Variants in SIDT2 observed in about 807,000 individuals in gnomAD.
SIDT2 encodes SID1 transmembrane family member 2.
In SIDT2, 68 loss-of-function variants were observed where a neutral mutation model predicts 114.4. The ratio of observed to expected loss-of-function variants is 0.59; its 90% CI spans 0.49 to 0.73. The LOEUF (loss-of-function observed/expected upper bound fraction) is 0.73. SIDT2 is among the 30% of genes least tolerant of loss of function. SIDT2 has a pLI of 0.00. For synonymous variants in SIDT2, 470 were observed against 438.4 expected (o/e 1.07, Z -0.90); for missense variants, 918 against 1,097.1 (o/e 0.84, Z 2.31).
chr11:117,196,362 C>T lies in SIDT2; in HGVS notation c.*296C>T, dbSNP rs907812172. ...CCATGGGCCCCTGTCCTTTGGCTCT[C>T]CATTTGTCCCTTTGCAAGAGGAAGG... On this transcript the variant is annotated 3_prime_UTR_variant, in exon 26 of 26. Coordinates refer to ENST00000324225, the MANE Select transcript of SIDT2 (RefSeq NM_001040455.2). The surrounding 1 kb of genome is among the most constrained non-coding windows in gnomAD (Gnocchi z 4.9). 7 of 438,086 alleles carry T rather than the reference C, an allele frequency of 1.6e-5. No homozygotes were observed. Among genetic ancestry groups the T allele is most frequent in the African/African-American group, 1.4e-4 (7 of 50,794 alleles). 27.1% of individuals were successfully genotyped at this position (438,086 alleles called of 1,614,324 possible). A position where few individuals can be genotyped will look rare whatever the true frequency, so the allele number is the denominator to read the frequency against.
In SIDT2 at chr11:117,192,916, C is replaced by G. The variant is rs554502949; in HGVS notation, c.2105+50C>G. 2.5e-6 allele frequency: 4 copies of G among 1,609,792 alleles called. No homozygotes were observed. The highest frequency in any genetic ancestry group is 3.4e-6 in the Non-Finnish European group (4 of 1,176,210). On this transcript the variant is annotated intron_variant, in intron 22 of 25. Coordinates refer to ENST00000324225, the MANE Select transcript of SIDT2 (RefSeq NM_001040455.2). The surrounding 1 kb of genome is among the most constrained non-coding windows in gnomAD (Gnocchi z 5.9). ...CTGGTTGGGTGGACAGCTGGGGACT[C>G]GGTCAGCCACTGGCTGCCTTGGGGG...
chr11:117,193,391 G>C (rs1411873721), intron 23 of SIDT2, 133 bp downstream of exon 23: 2 of 819,254 alleles, frequency 2.4e-6, no homozygotes, highest in Admixed American at 2.3e-5. Context: ...AGAGGCTAAA[G>C]CCTCTTGCAT....
At position 117,179,450 on chromosome 11, in the gene SIDT2, A is replaced by G; in HGVS notation, c.183+4A>G. On this transcript the variant is annotated splice_donor_region_variant and intron_variant, in intron 1 of 25. Transcript: ENST00000324225. ...CCATACTGTGACCCGCAACAGGGTGAGGGCTGGGGGCTTAGGGGCCAGAGG... is the reference window on the plus strand; with the variant it reads ...CCATACTGTGACCCGCAACAGGGTGGGGGCTGGGGGCTTAGGGGCCAGAGG... The G allele has an allele frequency of 6.2e-7, 1 of 1,611,226 alleles. No homozygotes were observed. Among genetic ancestry groups the G allele is most frequent in the Non-Finnish European group, 8.5e-7 (1 of 1,178,076 alleles).
At chr11:117,181,783 C>T in intron 2 of SIDT2, 24 bp from the exon 3 acceptor site, 1 of 1,613,992 alleles carries the variant, frequency 6.2e-7, no homozygotes, top group Non-Finnish European at 8.5e-7. Context: ...TGCTCACATC[C>T]TATCTCCCTG....
Position 117,179,089 on chromosome 11 carries a change from G to A in SIDT2, c.-175G>A, listed in dbSNP as rs2030143579. On this transcript the variant is annotated 5_prime_UTR_variant, in exon 1 of 26. Transcript: ENST00000324225. ...CCCCTCCCCTGCGGGGACCCTGGGA[G>A]CCTCTTCGGGGCTCTTGGGAGGGGA... 1 of 666,610 alleles carries A rather than the reference G, an allele frequency of 1.5e-6. No individual in the cohort carries two copies. Among genetic ancestry groups the A allele is most frequent in the Non-Finnish European group, 2.5e-6 (1 of 400,676 alleles). 41.3% of individuals were successfully genotyped at this position (666,610 alleles called of 1,614,324 possible).
rs1565287968 is a variant in SIDT2 at position 117,190,602 on chromosome 11, C to T, written c.1618-21C>T. 8 of 1,549,008 alleles carry T rather than the reference C, an allele frequency of 5.2e-6. No individual in the cohort carries two copies. The highest frequency in any genetic ancestry group is 6.1e-6 in the Non-Finnish European group (7 of 1,140,084). On this transcript the variant is annotated intron_variant, in intron 17 of 25. Coordinates refer to ENST00000324225, the MANE Select transcript of SIDT2 (RefSeq NM_001040455.2). This position sits in a 1 kb window ranked among gnomAD's most constrained non-coding sequence, Gnocchi z 4.1. ...CCTGCCTCACTTCCTCCCTCCCTTC[C>T]CTTCTCTCTCTCCCCAACAGGAATG... is the stretch of plus-strand genomic sequence containing the variant.
chr11:117,189,085 A>T, intron 13 of SIDT2, 84 bp from the exon 14 acceptor site: 1 of 1,389,614 alleles, frequency 7.2e-7, no homozygotes. Context: ...TGTGTGAGGG[A>T]GGCCCCTCTT....
rs1344474201 is a variant in SIDT2, at chr11:117,192,940, G to T, written c.2105+74G>T. Reference sequence around the variant, plus strand: ...TCGGTCAGCCACTGGCTGCCTTGGGGGCTAAGGACAACTTCCAAATGTTGG... The same window carrying T: ...TCGGTCAGCCACTGGCTGCCTTGGGTGCTAAGGACAACTTCCAAATGTTGG... On this transcript the variant is annotated intron_variant, in intron 22 of 25. Transcript: ENST00000324225. This position sits in a 1 kb window ranked among gnomAD's most constrained non-coding sequence, Gnocchi z 5.9. 1.9e-6 allele frequency: 3 copies of T among 1,584,426 alleles called. No homozygotes were observed. The highest frequency in any genetic ancestry group is 3.3e-5 in the Admixed American group (2 of 59,990).
chr11:117,182,656 C>T, intron 5 of SIDT2, 36 bp downstream of exon 5: 1 of 1,614,106 alleles, frequency 6.2e-7, no homozygotes, highest in South Asian at 1.1e-5. Context: ...CCCCAGCAGG[C>T]AGCAGGGCTG....
intron 24 of SIDT2, among the ~76,000 whole-genome samples, chr11:117,195,131 A>G (rs566823861): frequency 6.8e-6 from 1 of 146,876 alleles, no homozygotes; most frequent in Admixed American, 7.0e-5. Context: ...GGTAATGGAG[A>G]AGAGCCCCAT....
Position 117,186,437 on chromosome 11 carries a change from C to T in SIDT2, c.963-147C>T, listed in dbSNP as rs1265183627. ...AAGCAGGGAGATCCCATGTTGCTCC[C>T]CAGCCTGTGAGGAACCCTGGGACAA... On this transcript the variant is annotated intron_variant, in intron 9 of 25. Transcript: ENST00000324225. The T allele has an allele frequency of 6.3e-6, 6 of 958,324 alleles. No individual in the cohort carries two copies. The Admixed American group carries it at 9.4e-5, about 15-fold the overall frequency. The allele number at this position is 958,324 out of a possible 1,614,324, so 59.4% of individuals were successfully genotyped here.
intron 23 of SIDT2, 139 bp from the exon 24 acceptor site, chr11:117,193,714 C>T (rs1343325610): frequency 1.3e-5 from 8 of 625,288 alleles, no homozygotes; most frequent in Non-Finnish European, 2.3e-5. Flanking sequence ...TGTGGTTGTG[C>T]GGAATGGTAT....
Position 117,192,979 on chromosome 11 carries a change from G to A in SIDT2, c.2105+113G>A. The A allele has an allele frequency of 6.9e-7, 1 of 1,441,780 alleles. No homozygotes were observed. Among genetic ancestry groups the A allele is most frequent in the Non-Finnish European group, 9.8e-7 (1 of 1,023,640 alleles). 89.3% of individuals were successfully genotyped at this position (1,441,780 alleles called of 1,614,324 possible). On this transcript the variant is annotated intron_variant, in intron 22 of 25. Coordinates refer to ENST00000324225, the MANE Select transcript of SIDT2 (RefSeq NM_001040455.2). The surrounding 1 kb of genome is among the most constrained non-coding windows in gnomAD (Gnocchi z 5.9). ...TCCAAATGTTGGGCATAAGACATGG[G>A]GGCTAAGAGAGATCTTGGCCTCTCT...
Position 117,179,253 on chromosome 11 carries a change from C to G in SIDT2, c.-11C>G. On this transcript the variant is annotated 5_prime_UTR_variant, in exon 1 of 26. Coordinates refer to ENST00000324225, the MANE Select transcript of SIDT2 (RefSeq NM_001040455.2). ...CGCCACCACCGCTGCCACTGCCGCC[C>G]TGCCGGGGCCATGTTCGCTCTGGGC... 1.2e-6 allele frequency: 2 copies of G among 1,605,396 alleles called. No homozygotes were observed. Among genetic ancestry groups the G allele is most frequent in the Non-Finnish European group, 1.7e-6 (2 of 1,175,764 alleles).
rs1416878658 is a variant in SIDT2, at chr11:117,192,654, C to A, written c.2058+4C>A. ...GTGCAGCGGGCCGCTCTACGTGGTA[C>A]CTGCCTGGTTCCCCTGCTCCATTCT... On this transcript the variant is annotated splice_donor_region_variant and intron_variant, in intron 21 of 25. Transcript: ENST00000324225. The surrounding 1 kb of genome is among the most constrained non-coding windows in gnomAD (Gnocchi z 5.9). The A allele has an allele frequency of 1.2e-6, 2 of 1,612,634 alleles. No individual in the cohort carries two copies. The highest frequency in any genetic ancestry group is 1.7e-6 in the Non-Finnish European group (2 of 1,180,026).
At chr11:117,195,085 C>CAAAAAAAAAAAAAAAAAAAAAA (rs55970874) in intron 24 of SIDT2, among the ~76,000 whole-genome samples, 1 of 45,700 alleles carries the variant, frequency 2.2e-5, no homozygotes, top group African/African-American at 6.3e-5. Flanking sequence ...GACTCTGTCT[C>CAAAAAAAAAAAAAAAAAAAAAA]AAAAAAAAAA....
At position 117,190,519 on chromosome 11, in the gene SIDT2, C is replaced by T. The variant is rs1226829891; in HGVS notation, c.1618-104C>T. On this transcript the variant is annotated intron_variant, in intron 17 of 25. Transcript: ENST00000324225. The surrounding 1 kb of genome is among the most constrained non-coding windows in gnomAD (Gnocchi z 4.1). ...GCACACCCACACTCGACACATACCC[C>T]ACCCCTTTTCCTCTTCCACTCCTCT... The T allele has an allele frequency of 1.7e-6, 2 of 1,146,506 alleles. No homozygotes were observed. Among genetic ancestry groups the T allele is most frequent in the South Asian group, 1.5e-5 (1 of 68,372 alleles). 71.0% of individuals were successfully genotyped at this position (1,146,506 alleles called of 1,614,324 possible). A position where few individuals can be genotyped will look rare whatever the true frequency, so the allele number is the denominator to read the frequency against.
rs1157010296 is a variant in SIDT2 at position 117,190,896 on chromosome 11, A to G, written c.1735+156A>G. On this transcript the variant is annotated intron_variant, in intron 18 of 25. Coordinates refer to ENST00000324225, the MANE Select transcript of SIDT2 (RefSeq NM_001040455.2). The surrounding 1 kb of genome is among the most constrained non-coding windows in gnomAD (Gnocchi z 4.1). ...GTGTGCACACATCCTAGCCTATGGA[A>G]CATGGGCACCTAGATGCTGCTTCAT... is the stretch of plus-strand genomic sequence containing the variant. 1.6e-6 allele frequency: 1 copy of G among 608,500 alleles called. No homozygotes were observed. 37.7% of individuals were successfully genotyped at this position (608,500 alleles called of 1,614,324 possible). A position where few individuals can be genotyped will look rare whatever the true frequency, so the allele number is the denominator to read the frequency against.
intron 8 of SIDT2, among the ~76,000 whole-genome samples, chr11:117,185,174 C>T (rs1291161235): frequency 3.9e-5 from 6 of 151,970 alleles, no homozygotes; most frequent in South Asian, 2.1e-4. Context: ...CTCAGCCTAC[C>T]GAGTAGCTGG....
Sources: allele counts gnomAD v4.1 joint callset (sites outside exome capture counted in the v4.1 genomes callset), GRCh38; gene constraint gnomAD v4.1.1; non-coding constraint Gnocchi (gnomAD v3.1); transcripts MANE v1.5; gene names NCBI Gene and HGNC (gene_info 2026-07-23, HGNC 2026-07-21).